Variants in PACRG observed in about 807,000 individuals in gnomAD.
The protein encoded by PACRG is parkin coregulated.
PACRG carries 29 observed loss-of-function variants against 29.7 expected under a neutral mutation model. That is an observed-to-expected ratio of 0.98 (90% CI 0.73 to 1.33). PACRG has a LOEUF of 1.33. Among genes scored for constraint, PACRG ranks in the 40% most tolerant of loss-of-function variants. The pLI is 0.00. For missense variants in PACRG, 279 were observed against 316.2 expected (o/e 0.88, Z 0.89); for synonymous variants, 116 against 118.7 (o/e 0.98, Z 0.15).
intron 2 of PACRG, among the ~76,000 whole-genome samples, chr6:163,026,680 A>G (rs1807162869): frequency 6.6e-6 from 1 of 152,208 alleles, no homozygotes; most frequent in Admixed American, 6.5e-5. Context: ...TTTTACTGTC[A>G]GGTCCTTGAG....
intron 2 of PACRG, among the ~76,000 whole-genome samples, chr6:162,819,472 A>C (rs1239662269): frequency 2.6e-5 from 4 of 152,200 alleles, no homozygotes; most frequent in South Asian, 4.1e-4. Context: ...ATTGTCTTAC[A>C]AAAAAACTAT....
At chr6:163,121,623 T>C (rs1585239939) in intron 4 of PACRG, among the ~76,000 whole-genome samples, 1 of 152,048 alleles carries the variant, frequency 6.6e-6, no homozygotes, top group African/African-American at 2.4e-5. Flanking sequence ...CTAAGTTTAT[T>C]TTAAATTTAT....
rs549872696 is a variant in PACRG, at chr6:163,263,029, C to A, written c.614-51798C>A. On this transcript the variant is annotated intron_variant, in intron 4 of 4. Coordinates refer to ENST00000366888, the MANE Select transcript of PACRG (RefSeq NM_001080379.2). ...TCACACCACTGCACTACAGCCTGGGCAACCGAACAAGACTCTCCCTCAAAA... is the reference window on the plus strand; with the variant it reads ...TCACACCACTGCACTACAGCCTGGGAAACCGAACAAGACTCTCCCTCAAAA... 3.3e-4 allele frequency among the ~76,000 whole-genome samples: 50 copies of A among 150,742 alleles called. 1 individual carries two copies. The South Asian group carries it at 0.01, about 31-fold the overall frequency.
intron 4 of PACRG, among the ~76,000 whole-genome samples, chr6:163,150,473 G>A (rs1410805637): frequency 6.6e-6 from 1 of 152,040 alleles, no homozygotes; most frequent in Non-Finnish European, 1.5e-5. Context: ...CCTTGACCAT[G>A]GGGCCGTCTC....
At chr6:162,989,487 A>G (rs1803221577) in intron 2 of PACRG, among the ~76,000 whole-genome samples, 2 of 152,166 alleles carry the variant, frequency 1.3e-5, no homozygotes, top group South Asian at 4.1e-4. Context: ...TAACCTACAC[A>G]CATCCTCCTG....
At chr6:162,942,877 C>T (rs2128121095) in intron 2 of PACRG, among the ~76,000 whole-genome samples, 1 of 152,238 alleles carries the variant, frequency 6.6e-6, no homozygotes, top group East Asian at 1.9e-4. Context: ...GATAATCAAA[C>T]TTTGAATAGA....
chr6:163,004,983 A>G (rs535600815), intron 2 of PACRG, among the ~76,000 whole-genome samples: 9 of 152,092 alleles, frequency 5.9e-5, no homozygotes, highest in African/African-American at 1.9e-4. Context: ...ATGAAAAATA[A>G]ATGAGTATAT....
At chr6:163,182,658 G>T (rs991894024) in intron 4 of PACRG, 1 of 152,174 alleles carries the variant, frequency 6.6e-6, no homozygotes, top group African/African-American at 2.4e-5. Flanking sequence ...ACATCCTTAT[G>T]AAAGAGTAAT....
chr6:163,056,143 C>G (rs899674548), intron 2 of PACRG, among the ~76,000 whole-genome samples: 4 of 152,126 alleles, frequency 2.6e-5, no homozygotes, highest in African/African-American at 9.7e-5. Context: ...GTGACTGGAG[C>G]CCTCATACAT....
intron 4 of PACRG, among the ~76,000 whole-genome samples, chr6:163,309,392 A>T (rs535832674): frequency 6.6e-6 from 1 of 152,176 alleles, no homozygotes; most frequent in Non-Finnish European, 1.5e-5. Flanking sequence ...GGCTAAGGTG[A>T]ATGTTGTTCT....
intron 2 of PACRG, among the ~76,000 whole-genome samples, chr6:162,816,479 A>C (rs1787354271): frequency 6.6e-6 from 1 of 152,194 alleles, no homozygotes; most frequent in African/African-American, 2.4e-5. Flanking sequence ...CAGCCTCCCG[A>C]GTAGCTGGGA....
chr6:162,864,828 G>A (rs1792158671), intron 2 of PACRG, among the ~76,000 whole-genome samples: 2 of 152,146 alleles, frequency 1.3e-5, no homozygotes, highest in South Asian at 4.1e-4. Context: ...CTGACTACAT[G>A]TACTAGACGT....
At chr6:163,243,930 C>T (rs1172331269) in intron 4 of PACRG, among the ~76,000 whole-genome samples, 1 of 152,126 alleles carries the variant, frequency 6.6e-6, no homozygotes, top group African/African-American at 2.4e-5. Flanking sequence ...TGTACAAAAA[C>T]GAAATGTAGT....
intron 2 of PACRG, among the ~76,000 whole-genome samples, chr6:162,879,653 C>T (rs1461123899): frequency 6.6e-6 from 1 of 152,220 alleles, no homozygotes; most frequent in East Asian, 1.9e-4. Context: ...TTAATTCATT[C>T]CTTCAACAAG....
chr6:162,908,635 GC>G (rs1796096518), intron 2 of PACRG, among the ~76,000 whole-genome samples: 1 of 152,122 alleles, frequency 6.6e-6, no homozygotes, highest in Admixed American at 6.6e-5. Flanking sequence ...GTAGAGATAG[GC>G]CATTTTCCCC....
intron 4 of PACRG, among the ~76,000 whole-genome samples, chr6:163,261,325 A>G (rs1783316684): frequency 6.6e-6 from 1 of 152,108 alleles, no homozygotes; most frequent in Admixed American, 6.5e-5. Context: ...GACATGTGCC[A>G]TGGTGGTTTG....
chr6:163,177,364 C>G (rs1257173936), intron 4 of PACRG, among the ~76,000 whole-genome samples: 1 of 152,076 alleles, frequency 6.6e-6, no homozygotes, highest in Non-Finnish European at 1.5e-5. Context: ...GGGATGGAGA[C>G]AGAAGATGAG....
intron 1 of PACRG, among the ~76,000 whole-genome samples, chr6:162,733,756 C>G (rs551861337): frequency 7.9e-5 from 12 of 152,286 alleles, no homozygotes; most frequent in African/African-American, 2.9e-4. Flanking sequence ...GCATTTTACC[C>G]TGTGTGTCCT....
chr6:162,874,615 A>T (rs1258609770), intron 2 of PACRG, among the ~76,000 whole-genome samples: 1 of 152,148 alleles, frequency 6.6e-6, no homozygotes. Flanking sequence ...TGCCTGATGG[A>T]CACCCCCCAA....
Sources: allele counts gnomAD v4.1 joint callset (sites outside exome capture counted in the v4.1 genomes callset), GRCh38; gene constraint gnomAD v4.1.1; transcripts MANE v1.5; gene names NCBI Gene and HGNC (gene_info 2026-07-23, HGNC 2026-07-21).